USP48: variants seen among roughly 807,000 people sequenced by gnomAD.
USP48 encodes the protein ubiquitin carboxyl-terminal hydrolase 48.
A neutral mutation model predicts 150.7 loss-of-function variants in USP48; 43 were observed. The ratio of observed to expected loss-of-function variants is 0.29; its 90% CI spans 0.22 to 0.37. The LOEUF (loss-of-function observed/expected upper bound fraction) is 0.37, where lower values mean the gene tolerates loss of function less well. Among genes scored for constraint, USP48 ranks in the 10% least tolerant of loss-of-function variants. The probability of loss-of-function intolerance (pLI) is 1.00; values close to 1 mark genes in which losing one functional copy is unlikely to be tolerated. For missense variants in USP48, 813 were observed against 1,249.6 expected, an observed-to-expected ratio of 0.65 and a Z score of 5.27; for synonymous variants, 396 against 425.9, an observed-to-expected ratio of 0.93 and a Z score of 0.86.
intron 12 of USP48, among the ~76,000 whole-genome samples, chr1:21,723,076 T>G (rs946003966): frequency 6.6e-6 from 1 of 151,830 alleles, no homozygotes; most frequent in Non-Finnish European, 1.5e-5. Flanking sequence ...AAAAGAAAAA[T>G]GTTTCAAGGA....
At chr1:21,711,215 G>A (rs1446258222) in intron 15 of USP48, among the ~76,000 whole-genome samples, 1 of 152,098 alleles carries the variant, frequency 6.6e-6, no homozygotes, top group Non-Finnish European at 1.5e-5. Context: ...ACTCTAAGTT[G>A]GCGAAAGTCA....
chr1:21,700,374 C>T (rs544215837), intron 22 of USP48, among the ~76,000 whole-genome samples: 1 of 152,198 alleles, frequency 6.6e-6, no homozygotes, highest in Admixed American at 6.5e-5. Context: ...TGCTGACATC[C>T]CTTTACACCG....
At chr1:21,782,759 T>C (rs1344505902) in intron 1 of USP48, 65 bp downstream of exon 1, 5 of 1,473,068 alleles carry the variant, frequency 3.4e-6, no homozygotes, top group Non-Finnish European at 4.5e-6. Flanking sequence ...TCCTTTCCCC[T>C]ACCCCGCCCG....
chr1:21,718,161 C>T (rs1179501836), intron 14 of USP48, among the ~76,000 whole-genome samples: 1 of 152,126 alleles, frequency 6.6e-6, no homozygotes, highest in African/African-American at 2.4e-5. Context: ...GTACAGGACA[C>T]AAAAGGACCC....
chr1:21,765,937 A>C (rs1298706308), intron 1 of USP48, among the ~76,000 whole-genome samples: 4 of 144,576 alleles, frequency 2.8e-5, no homozygotes, highest in South Asian at 4.4e-4. Flanking sequence ...AAAAAAAAAA[A>C]GGCAATTCAG....
rs10917042 is a variant in USP48, at chr1:21,782,877, G to A, written c.81C>T (p.His27=). The change falls in exon 1 of 27, where the codon CAC becomes CAT. Residue 27 remains histidine, a synonymous_variant. Transcript: ENST00000308271. ...GCCAGATGCGGTAAGCGGTCTCGAT[G>A]TGCTCCTGCGACACCTCCTCGGGCC... The part of the protein sequence containing the change: ...TVRPEEVSQE[H]IETAYRIWLE... 0.25 allele frequency: 391,502 copies of A among 1,558,190 alleles called. 56,734 individuals carry two copies. The highest frequency in any genetic ancestry group is 0.59 in the East Asian group (24,144 of 41,230).
At chr1:21,693,674 T>G (rs1393568861) in intron 23 of USP48, among the ~76,000 whole-genome samples, 3 of 152,234 alleles carry the variant, frequency 2.0e-5, no homozygotes, top group African/African-American at 7.2e-5. Flanking sequence ...AGGGGCTCTT[T>G]CTGTAATTTA....
intron 1 of USP48, among the ~76,000 whole-genome samples, chr1:21,774,180 A>AAATAATAATAATAAT (rs57694769): frequency 5.6e-4 from 79 of 141,192 alleles, no homozygotes; most frequent in South Asian, 1.4e-3. Context: ...CTCCGTCTCA[A>AAATAATAATAATAAT]AATAATAATA....
chr1:21,701,691 AT>A, intron 21 of USP48, 89 bp from the exon 22 acceptor site: 1 of 975,002 alleles, frequency 1.0e-6, no homozygotes, highest in Admixed American at 1.9e-5. Context: ...GGCAACCTTT[AT>A]CAAGACGAGG....
intron 14 of USP48, among the ~76,000 whole-genome samples, chr1:21,718,242 A>G (rs2097710107): frequency 6.6e-6 from 1 of 152,246 alleles, no homozygotes; most frequent in Non-Finnish European, 1.5e-5. Context: ...TGGATCCACA[A>G]AACAAAATGC....
chr1:21,773,596 G>T (rs1264472606), intron 1 of USP48, among the ~76,000 whole-genome samples: 1 of 152,176 alleles, frequency 6.6e-6, no homozygotes, highest in African/African-American at 2.4e-5. Flanking sequence ...TGGAAGCTGG[G>T]AATAGAAATG....
chr1:21,703,858 G>A (rs1035351298), intron 20 of USP48, among the ~76,000 whole-genome samples: 12 of 152,106 alleles, frequency 7.9e-5, no homozygotes, highest in African/African-American at 2.9e-4. Context: ...CAGCCTCTCA[G>A]CGAGTAGCTC....
intron 7 of USP48, 39 bp from the exon 8 acceptor site, chr1:21,747,188 C>T: frequency 1.4e-6 from 2 of 1,436,656 alleles, no homozygotes; most frequent in East Asian, 2.3e-5. Context: ...ACATTTAAAA[C>T]AATCATAATA....
intron 8 of USP48, among the ~76,000 whole-genome samples, chr1:21,742,633 A>G (rs2097784889): frequency 6.6e-6 from 1 of 152,202 alleles, no homozygotes; most frequent in African/African-American, 2.4e-5. Flanking sequence ...AGTCCTGAAC[A>G]GAGCGGTAGA....
chr1:21,770,213 A>G (rs1318616817), intron 1 of USP48, among the ~76,000 whole-genome samples: 1 of 152,012 alleles, frequency 6.6e-6, no homozygotes, highest in Non-Finnish European at 1.5e-5. Context: ...TACTGCTTAC[A>G]CATAAATTAA....
At chr1:21,765,824 A>C (rs2097860473) in intron 1 of USP48, among the ~76,000 whole-genome samples, 1 of 143,656 alleles carries the variant, frequency 7.0e-6, no homozygotes, top group Non-Finnish European at 1.5e-5. Context: ...GAATAGTTTG[A>C]AACTACGAAG....
chr1:21,758,485 C>A (rs913291324), intron 1 of USP48, among the ~76,000 whole-genome samples: 2 of 152,062 alleles, frequency 1.3e-5, no homozygotes, highest in African/African-American at 4.8e-5. Flanking sequence ...CCTTTTCGGC[C>A]GGACACAGTG....
At position 21,714,135 on chromosome 1, in the gene USP48, G is replaced by A. The variant is rs2097697916; in HGVS notation, c.1963+1254C>T. Among the ~76,000 whole-genome samples the A allele has an allele frequency of 2.0e-5, 3 of 152,172 alleles. No homozygotes were observed. In the South Asian group the frequency reaches 6.2e-4, roughly 32 times the overall value. ...GGTTCACAGTGAACTGATGAAACAAGAACTACAGTTAGGAATTCATTAGGA... is the reference window on the plus strand; with the variant it reads ...GGTTCACAGTGAACTGATGAAACAAAAACTACAGTTAGGAATTCATTAGGA... On this transcript the variant is annotated intron_variant, in intron 15 of 26. Transcript: ENST00000308271.
chr1:21,694,386 G>C (rs1329944823), intron 23 of USP48, among the ~76,000 whole-genome samples: 1 of 151,480 alleles, frequency 6.6e-6, no homozygotes, highest in African/African-American at 2.4e-5. Flanking sequence ...GCCTGGCCAA[G>C]ATGGTGAAAC....
Sources: gnomAD v4.1 joint callset for allele counts (sites outside exome capture counted in the v4.1 genomes callset) on GRCh38, gnomAD v4.1.1 for gene constraint, MANE v1.5 for transcripts, NCBI Gene and HGNC (gene_info 2026-07-23, HGNC 2026-07-21) for gene names.